CDKN2B-AS1: variants seen among roughly 807,000 people sequenced by gnomAD.
The protein encoded by CDKN2B-AS1 is CDKN2B and CDKN2A antisense cis and trans regulatory RNA 1.
At chr9:22,103,945 T>C (rs1587537511) in intron 4 of CDKN2B-AS1, among the ~76,000 whole-genome samples, 1 of 152,360 alleles carries the variant, frequency 6.6e-6, no homozygotes, top group East Asian at 1.9e-4. Flanking sequence ...GAGCTTTTCT[T>C]ATCAGAATTT....
chr9:22,116,613 G>T (rs1005374390), intron 4 of CDKN2B-AS1, among the ~76,000 whole-genome samples: 42 of 152,150 alleles, frequency 2.8e-4, no homozygotes, highest in African/African-American at 8.2e-4. Context: ...AGATGAAAAT[G>T]AGGGAAACAG....
intron 4 of CDKN2B-AS1, among the ~76,000 whole-genome samples, chr9:22,080,501 G>A (rs1824656938): frequency 1.3e-5 from 2 of 152,200 alleles, no homozygotes; most frequent in Non-Finnish European, 2.9e-5. Flanking sequence ...TTTGGGTTGA[G>A]AGTCTTTAAG....
chr9:22,115,350 C>G (rs980988815), intron 4 of CDKN2B-AS1, among the ~76,000 whole-genome samples: 21 of 152,194 alleles, frequency 1.4e-4, no homozygotes, highest in African/African-American at 4.8e-4. Context: ...AACACTTATG[C>G]CAGGACGCAT....
intron 1 of CDKN2B-AS1, among the ~76,000 whole-genome samples, chr9:22,015,464 T>C (rs1821704716): frequency 6.6e-6 from 1 of 152,176 alleles, no homozygotes; most frequent in Non-Finnish European, 1.5e-5. Context: ...CTGAATCCTT[T>C]ACTTTTTAAT....
At chr9:22,008,826 A>T (rs1272001131) in intron 1 of CDKN2B-AS1, 6 of 1,607,920 alleles carry the variant, frequency 3.7e-6, no homozygotes, top group Non-Finnish European at 5.1e-6. Flanking sequence ...GAAACGGTTG[A>T]CTCCGTTGGG....
chr9:22,109,567 T>C (rs562397870), intron 4 of CDKN2B-AS1, among the ~76,000 whole-genome samples: 185 of 152,294 alleles, frequency 1.2e-3, no homozygotes, highest in African/African-American at 4.3e-3. Context: ...GTTCAAGAGC[T>C]GAATAAGTAA....
intron 1 of CDKN2B-AS1, among the ~76,000 whole-genome samples, chr9:21,998,743 C>G (rs577929317): frequency 6.6e-4 from 100 of 152,262 alleles, no homozygotes; most frequent in South Asian, 2.5e-3. Flanking sequence ...TTCTCCTCCT[C>G]CCCAAACTTA....
chr9:22,119,291 T>G (rs901225060), intron 4 of CDKN2B-AS1: 3 of 152,190 alleles, frequency 2.0e-5, no homozygotes, highest in Non-Finnish European at 2.9e-5. Flanking sequence ...GGCCAAGCAT[T>G]CCAATTTAAT....
chr9:22,002,896 A>C (rs1820983598), intron 1 of CDKN2B-AS1: 1 of 182,824 alleles, frequency 5.5e-6, no homozygotes, highest in African/African-American at 2.3e-5. Flanking sequence ...AAATGAAGCC[A>C]AATGAATGTT....
intron 1 of CDKN2B-AS1, among the ~76,000 whole-genome samples, chr9:22,026,271 A>G (rs1305223903): frequency 1.3e-5 from 2 of 150,478 alleles, no homozygotes; most frequent in Non-Finnish European, 3.0e-5. Context: ...GAGTTTTCAG[A>G]TCTCTGTCAG....
At chr9:22,017,228 C>T (rs1587405657) in intron 1 of CDKN2B-AS1, among the ~76,000 whole-genome samples, 1 of 152,186 alleles carries the variant, frequency 6.6e-6, no homozygotes, top group Non-Finnish European at 1.5e-5. Context: ...AGTTCGAGAC[C>T]AGCCTGGCCA....
At chr9:22,021,499 T>G (rs1196142615) in intron 1 of CDKN2B-AS1, among the ~76,000 whole-genome samples, 1 of 152,246 alleles carries the variant, frequency 6.6e-6, no homozygotes, top group Non-Finnish European at 1.5e-5. Context: ...GCACTGAATC[T>G]ATAAATTGCT....
Position 22,059,489 on chromosome 9 carries a change from C to T in CDKN2B-AS1, n.438+3102C>T, listed in dbSNP as rs1050459618. On this transcript the variant is annotated intron_variant and non_coding_transcript_variant, in intron 4 of 4. Coordinates refer to ENST00000650946, the Ensembl canonical transcript of CDKN2B-AS1. ...GGGTTGCCATGGTCTTGGGCAGCTC[C>T]GTCCCTGTGGCTTTGCAGGGTACAG... is the stretch of plus-strand genomic sequence containing the variant. 4.6e-5 allele frequency among the ~76,000 whole-genome samples: 7 copies of T among 152,298 alleles called. No homozygotes were observed. The East Asian group carries it at 9.7e-4, about 21-fold the overall frequency.
chr9:22,065,564 C>T (rs1824000618), intron 4 of CDKN2B-AS1: 2 of 152,158 alleles, frequency 1.3e-5, no homozygotes, highest in African/African-American at 4.8e-5. Flanking sequence ...GAAGCTTCTG[C>T]TATTGAACGA....
At chr9:22,086,053 T>C (rs1259799183) in intron 4 of CDKN2B-AS1, among the ~76,000 whole-genome samples, 1 of 152,156 alleles carries the variant, frequency 6.6e-6, no homozygotes, top group Non-Finnish European at 1.5e-5. Context: ...AAATCTTCAT[T>C]CTGCTATTAC....
chr9:22,054,181 T>C (rs754867582), intron 3 of CDKN2B-AS1, among the ~76,000 whole-genome samples: 1 of 152,216 alleles, frequency 6.6e-6, no homozygotes, highest in Non-Finnish European at 1.5e-5. Flanking sequence ...ATTTCTATTT[T>C]ACAGATGAAG....
chr9:22,045,038 T>TG lies in CDKN2B-AS1; in HGVS notation n.30-1713_30-1712insG, dbSNP rs58026190. Reference sequence around the variant, plus strand: ...TTTCTTTTGGAAAAATATTATTTATTTGTGTGTGTGTGTGTGTGTGTGTGT... The same window carrying TG: ...TTTCTTTTGGAAAAATATTATTTATTGTGTGTGTGTGTGTGTGTGTGTGTGT... On this transcript the variant is annotated intron_variant and non_coding_transcript_variant, in intron 1 of 4. Transcript: ENST00000650946. 6.2e-3 allele frequency among the ~76,000 whole-genome samples: 873 copies of TG among 141,936 alleles called. 12 individuals are homozygous for TG. The highest frequency in any genetic ancestry group is 0.022 in the African/African-American group (804 of 36,556). 93.1% of individuals were successfully genotyped at this position (141,936 alleles called of 152,430 possible).
At chr9:22,046,138 A>C (rs1823099570) in intron 1 of CDKN2B-AS1, among the ~76,000 whole-genome samples, 1 of 152,074 alleles carries the variant, frequency 6.6e-6, no homozygotes, top group South Asian at 2.1e-4. Flanking sequence ...TAGCTACCTC[A>C]AAGTACTGTA....
At chr9:22,126,404 G>A (rs2131379241) in intron 4 of CDKN2B-AS1, among the ~76,000 whole-genome samples, 1 of 152,084 alleles carries the variant, frequency 6.6e-6, no homozygotes, top group Admixed American at 6.5e-5. Flanking sequence ...TCATGTGTAT[G>A]TATTCTTTTC....
Sources: allele counts gnomAD v4.1 joint callset (sites outside exome capture counted in the v4.1 genomes callset), GRCh38; gene constraint gnomAD v4.1.1; transcripts MANE v1.5; gene names NCBI Gene and HGNC (gene_info 2026-07-23, HGNC 2026-07-21).